The following SLC25A13 variants were observed in gnomAD, a reference collection of about 807,000 sequenced individuals.
The protein encoded by SLC25A13 is electrogenic aspartate/glutamate antiporter SLC25A13, mitochondrial.
In SLC25A13, 70 loss-of-function variants were observed where a neutral mutation model predicts 85.5. The observed-to-expected ratio is 0.82, with a 90% CI of 0.68 to 1.00. The LOEUF (loss-of-function observed/expected upper bound fraction) is 1.00, where lower values mean the gene tolerates loss of function less well. Ranked by LOEUF, SLC25A13 falls within the 50% of genes least tolerant of loss-of-function variation. The pLI is 0.00. For missense variants in SLC25A13, 765 were observed against 819.8 expected (o/e 0.93, Z 0.82); for synonymous variants, 259 against 288.7 (o/e 0.90, Z 1.04).
chr7:96,263,923 TA>T (rs1467732461), intron 3 of SLC25A13, among the ~76,000 whole-genome samples: 1 of 152,112 alleles, frequency 6.6e-6, no homozygotes, highest in Non-Finnish European at 1.5e-5. Context: ...CAGTCCCTCA[TA>T]AACACATCCC....
intron 3 of SLC25A13, among the ~76,000 whole-genome samples, chr7:96,271,048 T>G (rs930293953): frequency 1.3e-5 from 2 of 152,186 alleles, no homozygotes; most frequent in Admixed American, 6.5e-5. Context: ...GAGTAATATC[T>G]TCATCTCAAA....
At chr7:96,212,325 G>A (rs377483836) in intron 4 of SLC25A13, among the ~76,000 whole-genome samples, 2 of 152,200 alleles carry the variant, frequency 1.3e-5, no homozygotes, top group African/African-American at 2.4e-5. Flanking sequence ...CAGCTTGGGA[G>A]CACTGTACTA....
chr7:96,281,574 TG>T lies in SLC25A13; in HGVS notation c.70-4237del, dbSNP rs770127869. 7.9e-5 allele frequency among the ~76,000 whole-genome samples: 12 copies of T among 152,070 alleles called. No homozygotes were observed. The East Asian group carries it at 1.7e-3, about 22-fold the overall frequency. On this transcript the variant is annotated intron_variant, in intron 2 of 17. Coordinates refer to ENST00000265631, the MANE Select transcript of SLC25A13 (RefSeq NM_014251.3). ...ATACAGTGACCAGAATTCAGACAAC[TG>T]GTTACCCTTGGTGGGTGCTGATCAG...
intron 1 of SLC25A13, among the ~76,000 whole-genome samples, chr7:96,300,401 T>C (rs1562916694): frequency 6.6e-6 from 1 of 152,272 alleles, no homozygotes; most frequent in East Asian, 1.9e-4. Flanking sequence ...GCTAGAAAAG[T>C]AATATGAGAT....
intron 5 of SLC25A13, among the ~76,000 whole-genome samples, chr7:96,207,252 T>C (rs935462151): frequency 1.4e-4 from 22 of 152,272 alleles, no homozygotes; most frequent in African/African-American, 4.8e-4. Flanking sequence ...CAGGACAAAT[T>C]ATATGAATCA....
intron 13 of SLC25A13, among the ~76,000 whole-genome samples, chr7:96,169,025 G>A (rs753575202): frequency 5.3e-5 from 8 of 152,126 alleles, no homozygotes; most frequent in Non-Finnish European, 1.2e-4. Flanking sequence ...CAGAACAAGG[G>A]GATCCTGCCT....
At chr7:96,143,106 G>A (rs928603154) in intron 14 of SLC25A13, among the ~76,000 whole-genome samples, 1 of 152,192 alleles carries the variant, frequency 6.6e-6, no homozygotes, top group African/African-American at 2.4e-5. Flanking sequence ...GATCCCAGCT[G>A]TCATTGCTTC....
intron 13 of SLC25A13, among the ~76,000 whole-genome samples, chr7:96,154,302 T>TC (rs1484577817): frequency 6.6e-6 from 1 of 151,688 alleles, no homozygotes; most frequent in East Asian, 1.9e-4. Context: ...GTCTTTTTTT[T>TC]TTTTTTTTTT....
chr7:96,223,236 T>C (rs1796201691), intron 4 of SLC25A13, among the ~76,000 whole-genome samples: 1 of 152,214 alleles, frequency 6.6e-6, no homozygotes, highest in African/African-American at 2.4e-5. Flanking sequence ...CACACCATCA[T>C]TACCACCAAC....
At chr7:96,141,115 T>C (rs929847526) in intron 14 of SLC25A13, among the ~76,000 whole-genome samples, 8 of 150,508 alleles carry the variant, frequency 5.3e-5, no homozygotes, top group African/African-American at 2.0e-4. Flanking sequence ...CTCGAACTCC[T>C]GGGTTCAAGT....
At position 96,120,282 on chromosome 7, in the gene SLC25A13, G is replaced by C. The variant is rs550323481; in HGVS notation, c.*909C>G. 416 of 453,928 alleles carry C rather than the reference G, an allele frequency of 9.2e-4. 4 individuals are homozygous for C. The highest frequency in any genetic ancestry group is 1.6e-3 in the Non-Finnish European group (367 of 226,694). The allele number at this position is 453,928 out of a possible 1,614,324, so 28.1% of individuals were successfully genotyped here. Reference sequence around the variant, plus strand: ...CATGCGCCTCTGACCATTATGCAAGGCAACATGAATTAAATACTTATGTCA... The same window carrying C: ...CATGCGCCTCTGACCATTATGCAAGCCAACATGAATTAAATACTTATGTCA... On this transcript the variant is annotated 3_prime_UTR_variant, in exon 18 of 18. Coordinates refer to ENST00000265631, the MANE Select transcript of SLC25A13 (RefSeq NM_014251.3).
At chr7:96,266,232 A>T (rs1798040050) in intron 3 of SLC25A13, among the ~76,000 whole-genome samples, 1 of 152,204 alleles carries the variant, frequency 6.6e-6, no homozygotes, top group Non-Finnish European at 1.5e-5. Flanking sequence ...AAAAGTTCTC[A>T]GGGACTTCCA....
At chr7:96,299,750 T>C (rs1161102205) in intron 1 of SLC25A13, among the ~76,000 whole-genome samples, 1 of 152,208 alleles carries the variant, frequency 6.6e-6, no homozygotes, top group African/African-American at 2.4e-5. Flanking sequence ...TGTGTGAACA[T>C]CATATAGTGT....
chr7:96,320,357 C>T (rs1032133886), intron 1 of SLC25A13, among the ~76,000 whole-genome samples: 1 of 152,146 alleles, frequency 6.6e-6, no homozygotes, highest in African/African-American at 2.4e-5. Context: ...TCTATGCACA[C>T]GTCTCAATTT....
At chr7:96,315,930 G>A (rs189737373) in intron 1 of SLC25A13, among the ~76,000 whole-genome samples, 4 of 151,176 alleles carry the variant, frequency 2.6e-5, no homozygotes, top group East Asian at 1.9e-4. Context: ...AAGCCTGGGC[G>A]ACATAGCAAG....
At chr7:96,205,056 C>A (rs770442604) in intron 5 of SLC25A13, among the ~76,000 whole-genome samples, 3 of 152,052 alleles carry the variant, frequency 2.0e-5, no homozygotes, top group African/African-American at 7.2e-5. Context: ...TACAGGTGCA[C>A]GCCACTATGT....
intron 2 of SLC25A13, among the ~76,000 whole-genome samples, chr7:96,293,057 G>A (rs1163338552): frequency 1.3e-5 from 2 of 152,152 alleles, no homozygotes; most frequent in African/African-American, 4.8e-5. Flanking sequence ...AACCAAAACA[G>A]CACGGTACTG....
At chr7:96,173,765 C>T (rs1794103940) in intron 11 of SLC25A13, among the ~76,000 whole-genome samples, 1 of 152,130 alleles carries the variant, frequency 6.6e-6, no homozygotes, top group Non-Finnish European at 1.5e-5. Flanking sequence ...CCTGCTTCAT[C>T]CCCAGGGCCA....
At chr7:96,319,165 G>T (rs959504544) in intron 1 of SLC25A13, among the ~76,000 whole-genome samples, 2 of 152,160 alleles carry the variant, frequency 1.3e-5, no homozygotes, top group Non-Finnish European at 2.9e-5. Flanking sequence ...TTATAATGAA[G>T]GACATGATAA....
Sources: gnomAD v4.1 joint callset for allele counts (sites outside exome capture counted in the v4.1 genomes callset) on GRCh38, gnomAD v4.1.1 for gene constraint, MANE v1.5 for transcripts, NCBI Gene and HGNC (gene_info 2026-07-23, HGNC 2026-07-21) for gene names.